WFDC9: variants seen among roughly 807,000 people sequenced by gnomAD.
WFDC9 encodes the protein WAP four-disulfide core domain 9, also known as protein WFDC9.
WFDC9 carries 9 observed loss-of-function variants against 9.5 expected under a neutral mutation model. The ratio of observed to expected loss-of-function variants is 0.95; its 90% CI spans 0.57 to 1.65. The LOEUF (loss-of-function observed/expected upper bound fraction) is 1.65. WFDC9 is among the 40% of genes most tolerant of loss of function. The pLI is 0.00. For missense variants in WFDC9, 87 were observed against 106.7 expected (o/e 0.82, Z 0.81); for synonymous variants, 33 against 32.3 (o/e 1.02, Z -0.07).
At chr20:45,611,544 A>T (rs1981859445) in intron 2 of WFDC9, among the ~76,000 whole-genome samples, 1 of 152,178 alleles carries the variant, frequency 6.6e-6, no homozygotes. Context: ...GGAGGCAAAA[A>T]TATGCTCACA....
chr20:45,620,933 CTT>C, intron 1 of WFDC9, among the ~76,000 whole-genome samples: 1 of 152,198 alleles, frequency 6.6e-6, no homozygotes, highest in Admixed American at 6.5e-5. Flanking sequence ...GAATCTCTGT[CTT>C]TTAATAAATG....
intron 1 of WFDC9, among the ~76,000 whole-genome samples, chr20:45,620,204 T>C (rs2145599437): frequency 6.6e-6 from 1 of 152,340 alleles, no homozygotes; most frequent in South Asian, 2.1e-4. Flanking sequence ...GTATTGATTT[T>C]CTATTTTCCT....
At chr20:45,618,465 C>A (rs781343683) in intron 1 of WFDC9, among the ~76,000 whole-genome samples, 1 of 152,192 alleles carries the variant, frequency 6.6e-6, no homozygotes, top group African/African-American at 2.4e-5. Context: ...TGTTAACATG[C>A]CTTCCTCACT....
chr20:45,619,601 T>A (rs147293518), intron 1 of WFDC9, among the ~76,000 whole-genome samples: 2,108 of 152,294 alleles, frequency 0.014, 87 homozygotes, highest in Admixed American at 0.097. Flanking sequence ...CAGATAAAAG[T>A]AATTATGTAG....
chr20:45,629,343 T>C (rs1419884252), intron 1 of WFDC9, among the ~76,000 whole-genome samples: 1 of 152,204 alleles, frequency 6.6e-6, no homozygotes, highest in Non-Finnish European at 1.5e-5. Context: ...TGAGAAATAC[T>C]TACATGATTA....
intron 1 of WFDC9, among the ~76,000 whole-genome samples, chr20:45,625,560 T>C (rs936060001): frequency 6.6e-5 from 10 of 152,118 alleles, no homozygotes; most frequent in African/African-American, 1.4e-4. Flanking sequence ...CCTGAAGTAT[T>C]TCCCCTGTGT....
rs778456558 is a variant in WFDC9 at position 45,616,263 on chromosome 20, A to T, written c.-152-1542T>A. On this transcript the variant is annotated intron_variant, in intron 1 of 4. Transcript: ENST00000326000. Reference sequence around the variant, plus strand: ...CAACAATGTTCACAGCATCTTCACCAGGAGCAGATTCCATTCAAAGAAACC... The same window carrying T: ...CAACAATGTTCACAGCATCTTCACCTGGAGCAGATTCCATTCAAAGAAACC... Among the ~76,000 whole-genome samples the T allele has an allele frequency of 9.2e-5, 14 of 152,356 alleles. No homozygotes were observed. In the South Asian group the frequency reaches 2.9e-3, roughly 32 times the overall value.
At chr20:45,610,006 G>T in intron 3 of WFDC9, 85 bp downstream of exon 3, 1 of 1,074,982 alleles carries the variant, frequency 9.3e-7, no homozygotes, top group Non-Finnish European at 1.4e-6. Flanking sequence ...TTTAAAGCCT[G>T]ATTCTTGACA....
At chr20:45,617,699 G>A (rs549595555) in intron 1 of WFDC9, among the ~76,000 whole-genome samples, 3 of 152,108 alleles carry the variant, frequency 2.0e-5, no homozygotes, top group Admixed American at 6.5e-5. Flanking sequence ...ATGTTCCCCA[G>A]GCTGGTCTCA....
At chr20:45,614,451 G>C (rs1981930197) in intron 2 of WFDC9, among the ~76,000 whole-genome samples, 177 bp downstream of exon 2, 1 of 152,170 alleles carries the variant, frequency 6.6e-6, no homozygotes, top group African/African-American at 2.4e-5. Context: ...TTTAGTTTCT[G>C]TCCCTTTTAC....
At chr20:45,629,939 T>A in intron 1 of WFDC9, 1 of 1,604,834 alleles carries the variant, frequency 6.2e-7, no homozygotes, top group Non-Finnish European at 8.5e-7. Flanking sequence ...TGAGGGGGAA[T>A]TGGGTAGGGG....
intron 3 of WFDC9, 120 bp from the exon 4 acceptor site, chr20:45,608,930 C>T: frequency 9.0e-7 from 1 of 1,110,462 alleles, no homozygotes; most frequent in Non-Finnish European, 1.2e-6. Flanking sequence ...CTCTGCCTTC[C>T]AAGAAAATCC....
chr20:45,629,989 G>A (rs1324521825), intron 1 of WFDC9: 1 of 1,539,116 alleles, frequency 6.5e-7, no homozygotes, highest in Non-Finnish European at 8.8e-7. Context: ...GGACCTAGGA[G>A]TTGGAAACTC....
chr20:45,620,128 A>G (rs910009666), intron 1 of WFDC9, among the ~76,000 whole-genome samples: 5 of 152,202 alleles, frequency 3.3e-5, no homozygotes, highest in African/African-American at 1.2e-4. Context: ...AAGTATTTTT[A>G]AGTATGAGAG....
chr20:45,627,366 AT>A (rs34064984), intron 1 of WFDC9, among the ~76,000 whole-genome samples: 34,338 of 151,978 alleles, frequency 0.23, 4,370 homozygotes, highest in East Asian at 0.56. Context: ...TGCCGCATCA[AT>A]TTTTTGGAAT....
chr20:45,620,489 G>A (rs1375775164), intron 1 of WFDC9, among the ~76,000 whole-genome samples: 1 of 152,136 alleles, frequency 6.6e-6, no homozygotes, highest in East Asian at 1.9e-4. Flanking sequence ...CTATTCGGGA[G>A]GCTGAGGCAT....
intron 1 of WFDC9, among the ~76,000 whole-genome samples, chr20:45,630,527 T>G (rs530058301): frequency 1.4e-4 from 22 of 152,282 alleles, no homozygotes; most frequent in African/African-American, 5.3e-4. Context: ...AGATGTCTCA[T>G]GCTTCTTTGA....
At chr20:45,618,437 C>G (rs951789100) in intron 1 of WFDC9, among the ~76,000 whole-genome samples, 3 of 152,232 alleles carry the variant, frequency 2.0e-5, no homozygotes, top group Admixed American at 2.0e-4. Context: ...AGAGGCCTAG[C>G]TTTCAGCCTA....
At chr20:45,621,806 T>G (rs532905522) in intron 1 of WFDC9, among the ~76,000 whole-genome samples, 1 of 152,310 alleles carries the variant, frequency 6.6e-6, no homozygotes, top group African/African-American at 2.4e-5. Flanking sequence ...CTTGGAAGCA[T>G]GCACCTGATT....
Sources: gnomAD v4.1 joint callset for allele counts (sites outside exome capture counted in the v4.1 genomes callset) on GRCh38, gnomAD v4.1.1 for gene constraint, MANE v1.5 for transcripts, NCBI Gene and HGNC (gene_info 2026-07-23, HGNC 2026-07-21) for gene names.